Variants in ARHGEF17 observed in about 807,000 individuals in gnomAD.
ARHGEF17 encodes the protein Rho guanine nucleotide exchange factor 17.
Under a neutral mutation model 174.0 loss-of-function variants are expected in ARHGEF17, and 80 were observed. The observed-to-expected ratio is 0.46, with a 90% CI of 0.38 to 0.55. The LOEUF (loss-of-function observed/expected upper bound fraction) is 0.55, where lower values mean the gene tolerates loss of function less well. ARHGEF17 is among the 20% of genes least tolerant of loss of function. The pLI, the probability that ARHGEF17 is intolerant of heterozygous loss-of-function variation, is 0.00. For missense variants in ARHGEF17, 2,886 were observed against 2,839.7 expected (o/e 1.02, Z -0.37); for synonymous variants, 1,311 against 1,189.1 (o/e 1.10, Z -2.11).
In ARHGEF17 at chr11:73,356,999, C is replaced by G. The variant is rs1472477627; in HGVS notation, c.3892-26C>G. ...GGGCTTCTGGACTGTGTCCACCCAGCCTGAATTCTGCCTTGGGCTCCACAG... is the reference window on the plus strand; with the variant it reads ...GGGCTTCTGGACTGTGTCCACCCAGGCTGAATTCTGCCTTGGGCTCCACAG... On this transcript the variant is annotated intron_variant, in intron 7 of 20. Coordinates refer to ENST00000263674, the MANE Select transcript of ARHGEF17 (RefSeq NM_014786.4). The G allele has an allele frequency of 2.5e-6, 4 of 1,611,374 alleles. No individual in the cohort carries two copies. In the East Asian group the frequency reaches 8.9e-5, roughly 36 times the overall value.
Position 73,367,918 on chromosome 11 carries a change from C to G in ARHGEF17, c.*138C>G, listed in dbSNP as rs915407157. 1.1e-6 allele frequency: 1 copy of G among 915,356 alleles called. No individual in the cohort carries two copies. The highest frequency in any genetic ancestry group is 1.6e-6 in the Non-Finnish European group (1 of 632,478). The allele number at this position is 915,356 out of a possible 1,614,324, so 56.7% of individuals were successfully genotyped here. A position where few individuals can be genotyped will look rare whatever the true frequency, so the allele number is the denominator to read the frequency against. On this transcript the variant is annotated 3_prime_UTR_variant, in exon 21 of 21. Transcript: ENST00000263674. ...GCCTGCGTGGGCTCTGCCTTGTCTT[C>G]GCGGAAGCATTCCTGATGGAACACC... is the stretch of plus-strand genomic sequence containing the variant.
intron 1 of ARHGEF17, among the ~76,000 whole-genome samples, chr11:73,318,586 C>T (rs1864965875): frequency 6.6e-6 from 1 of 152,170 alleles, no homozygotes; most frequent in Non-Finnish European, 1.5e-5. Context: ...GCTGTGATTG[C>T]CCAACAGCAC....
chr11:73,309,456 A>T lies in ARHGEF17; in HGVS notation c.818A>T (p.His273Leu). Residue 273 changes from histidine (H) to leucine (L), a missense_variant, in exon 1 of 21, where the codon CAC (histidine) becomes CTC (leucine). Coordinates refer to ENST00000263674, the MANE Select transcript of ARHGEF17 (RefSeq NM_014786.4). ...CAGAGTCCGGCCTACCACGGCGGCC[A>T]CTCCTCGGGCAGTGACGACGACCGA... Reference protein sequence around the residue: ...GAQSPAYHGGHSSGSDDDRDG... With the variant: ...GAQSPAYHGGLSSGSDDDRDG... 3 of 1,538,372 alleles carry T rather than the reference A, an allele frequency of 2.0e-6. No homozygotes were observed. The highest frequency in any genetic ancestry group is 2.6e-6 in the Non-Finnish European group (3 of 1,141,170).
intron 1 of ARHGEF17, among the ~76,000 whole-genome samples, chr11:73,314,175 A>G (rs1864890265): frequency 6.6e-6 from 1 of 152,168 alleles, no homozygotes; most frequent in Admixed American, 6.5e-5. Context: ...GCCTCTGTTG[A>G]GGAGACAATG....
intron 1 of ARHGEF17, among the ~76,000 whole-genome samples, chr11:73,337,872 CA>C (rs1865310938): frequency 6.6e-6 from 1 of 152,204 alleles, no homozygotes; most frequent in South Asian, 2.1e-4. Flanking sequence ...ACAGAGAGGA[CA>C]CAGGTCGTGT....
intron 1 of ARHGEF17, among the ~76,000 whole-genome samples, chr11:73,324,593 G>T (rs1321906548): frequency 6.6e-6 from 1 of 152,208 alleles, no homozygotes; most frequent in Non-Finnish European, 1.5e-5. Flanking sequence ...AGGTCACAGA[G>T]CCCAGAAAGA....
intron 1 of ARHGEF17, among the ~76,000 whole-genome samples, chr11:73,337,576 G>A (rs1227046265): frequency 6.6e-6 from 1 of 152,010 alleles, no homozygotes; most frequent in Non-Finnish European, 1.5e-5. Context: ...TGTGCCACCA[G>A]GTCTGGCTAT....
intron 20 of ARHGEF17, 151 bp from the exon 21 acceptor site, chr11:73,367,433 A>G: frequency 5.0e-6 from 3 of 602,704 alleles, no homozygotes; most frequent in Non-Finnish European, 8.4e-6. Flanking sequence ...TTCTTTCTAA[A>G]TAAGTTCCTA....
Position 73,308,688 on chromosome 11 carries a change from A to C in ARHGEF17, c.50A>C (p.Lys17Thr). The C allele has an allele frequency of 6.6e-7, 1 of 1,519,438 alleles. No homozygotes were observed. The highest frequency in any genetic ancestry group is 2.8e-5 in the East Asian group (1 of 35,688). 94.1% of individuals were successfully genotyped at this position (1,519,438 alleles called of 1,614,324 possible). Residue 17 changes from lysine to threonine, a missense_variant, in exon 1 of 21, where the codon AAG (lysine) becomes ACG (threonine). Transcript: ENST00000263674. ...CAGCTTTACCGCAGCGTCTCGTTCA[A>C]GCTGCTGGAGCGCTGGAGCGGCGGC... ...RPQLYRSVSF[K>T]LLERWSGGPG...
At chr11:73,347,102 A>C in intron 2 of ARHGEF17, 142 bp downstream of exon 2, 1 of 837,264 alleles carries the variant, frequency 1.2e-6, no homozygotes, top group Non-Finnish European at 2.0e-6. Flanking sequence ...TTCCATGAAG[A>C]ACCCCCAGCA....
rs1565208312 is a variant in ARHGEF17 at position 73,360,398 on chromosome 11, C to T, written c.4285C>T (p.Leu1429Phe). The stretch of plus-strand genomic sequence containing the variant: ...GGAGAAGCAGGCGCTGTGCTACGCG[C>T]TTTCCTTCCCGCCAACCAAGCTGGA... ...LSEKQALCYA[L>F]SFPPTKLELC... Residue 1429 changes from leucine to phenylalanine, a missense_variant, in exon 11 of 21, where the codon CTT (leucine) becomes TTT (phenylalanine). Leu to Phe is a conservative substitution (Grantham distance 22). Around this residue, in one of 4 missense-constraint regions of ARHGEF17, gnomAD observed 476 missense variants for 473.1 expected, o/e 1.01. Coordinates refer to ENST00000263674, the MANE Select transcript of ARHGEF17 (RefSeq NM_014786.4). 1 of 1,613,964 alleles carries T rather than the reference C, an allele frequency of 6.2e-7. No individual in the cohort carries two copies. Among genetic ancestry groups the T allele is most frequent in the Non-Finnish European group, 8.5e-7 (1 of 1,180,050 alleles).
At chr11:73,343,223 CG>C in intron 1 of ARHGEF17, 1 of 398,468 alleles carries the variant, frequency 2.5e-6, no homozygotes, top group Non-Finnish European at 4.4e-6. Context: ...CCGCCGCCTC[CG>C]GGGAGCCTGC....
chr11:73,311,161 A>T lies in ARHGEF17; in HGVS notation c.2523A>T (p.Gly841=). 2 of 1,596,298 alleles carry T rather than the reference A, an allele frequency of 1.3e-6. No homozygotes were observed. Among genetic ancestry groups the T allele is most frequent in the Non-Finnish European group, 1.7e-6 (2 of 1,168,524 alleles). The change falls in exon 1 of 21, where the codon GGA becomes GGT. Residue 841 remains glycine, a synonymous_variant. Transcript: ENST00000263674. ...GCCGTGGGGAGCTGGCTGGGCCTGG[A>T]TTCGAGGGCCCTGGAGGGGAGCCCA... ...PSRRGELAGP[G]FEGPGGEPIR...
At chr11:73,321,688 T>G (rs1865020403) in intron 1 of ARHGEF17, among the ~76,000 whole-genome samples, 1 of 152,250 alleles carries the variant, frequency 6.6e-6, no homozygotes, top group Non-Finnish European at 1.5e-5. Flanking sequence ...TCTCAGAGTC[T>G]AGAATCCTGT....
At chr11:73,326,982 T>C (rs976228802) in intron 1 of ARHGEF17, among the ~76,000 whole-genome samples, 44 of 152,280 alleles carry the variant, frequency 2.9e-4, no homozygotes, top group African/African-American at 9.6e-4. Context: ...CCCTTCAGTG[T>C]CTCTGCAGGC....
Position 73,355,957 on chromosome 11 carries a change from G to A in ARHGEF17, c.3663+4G>A. The stretch of plus-strand genomic sequence containing the variant: ...ACGCTACGAGCTTCTGGTGAAGGTG[G>A]GCATGGACCTGGGTGGGCAAGTGGG... On this transcript the variant is annotated splice_donor_region_variant and intron_variant, in intron 5 of 20. Coordinates refer to ENST00000263674, the MANE Select transcript of ARHGEF17 (RefSeq NM_014786.4). The A allele has an allele frequency of 6.2e-7, 1 of 1,614,144 alleles. No homozygotes were observed. Among genetic ancestry groups the A allele is most frequent in the Non-Finnish European group, 8.5e-7 (1 of 1,180,028 alleles).
intron 1 of ARHGEF17, among the ~76,000 whole-genome samples, chr11:73,315,470 C>T (rs1345849975): frequency 6.6e-6 from 1 of 152,202 alleles, no homozygotes; most frequent in Non-Finnish European, 1.5e-5. Context: ...AGTCACCCTT[C>T]TTTCTCCCCT....
chr11:73,328,735 A>T (rs1865143402), intron 1 of ARHGEF17, among the ~76,000 whole-genome samples: 1 of 152,244 alleles, frequency 6.6e-6, no homozygotes, highest in Non-Finnish European at 1.5e-5. Flanking sequence ...TCTCTGGTGC[A>T]GTCTTCATTC....
At position 73,347,826 on chromosome 11, in the gene ARHGEF17, G is replaced by T. The variant is rs141029934; in HGVS notation, c.3270+866G>T. On this transcript the variant is annotated intron_variant, in intron 2 of 20. Coordinates refer to ENST00000263674, the MANE Select transcript of ARHGEF17 (RefSeq NM_014786.4). ...GAGGAGGTCAAGGCCATTGAGATCC[G>T]GCAAGGATAGAGGTTACAGGAAGGG... Among the ~76,000 whole-genome samples, 18 of 152,306 alleles carry T rather than the reference G, an allele frequency of 1.2e-4. No homozygotes were observed. In the East Asian group the frequency reaches 3.3e-3, roughly 28 times the overall value.
Sources: gnomAD v4.1 joint callset for allele counts (sites outside exome capture counted in the v4.1 genomes callset) on GRCh38, gnomAD v4.1.1 for gene constraint, gnomAD v4.1.1 regional missense constraint, MANE v1.5 for transcripts, NCBI Gene and HGNC (gene_info 2026-07-23, HGNC 2026-07-21) for gene names.